Variants in ATP8B4 observed in about 807,000 individuals in gnomAD.
ATP8B4 encodes the protein probable phospholipid-transporting ATPase IM.
Under a neutral mutation model 145.6 loss-of-function variants are expected in ATP8B4, and 133 were observed. The ratio of observed to expected loss-of-function variants is 0.91; its 90% confidence interval spans 0.79 to 1.05. The LOEUF is 1.05. Ranked by LOEUF, ATP8B4 falls within the 50% of genes least tolerant of loss-of-function variation. The pLI is 0.00. For missense variants in ATP8B4, 1,458 were observed against 1,425.2 expected (o/e 1.02, Z -0.37); for synonymous variants, 507 against 492.9 (o/e 1.03, Z -0.38).
At chr15:49,981,560 T>C (rs1421673682) in intron 10 of ATP8B4, among the ~76,000 whole-genome samples, 1 of 152,168 alleles carries the variant, frequency 6.6e-6, no homozygotes, top group Non-Finnish European at 1.5e-5. Flanking sequence ...AAGCTATTTT[T>C]TCAATGTCTA....
chr15:50,015,519 G>C (rs1406844446), intron 6 of ATP8B4, among the ~76,000 whole-genome samples: 4 of 152,126 alleles, frequency 2.6e-5, no homozygotes, highest in African/African-American at 9.7e-5. Flanking sequence ...GAGTAATTAT[G>C]TATTACCTAT....
chr15:49,972,504 T>A (rs1462589927), intron 13 of ATP8B4, 78 bp downstream of exon 13: 8 of 1,443,906 alleles, frequency 5.5e-6, no homozygotes, highest in East Asian at 4.7e-5. Context: ...TTTGGATTTT[T>A]AAATTTTTTT....
intron 17 of ATP8B4, among the ~76,000 whole-genome samples, 169 bp downstream of exon 17, chr15:49,923,210 C>A (rs994726835): frequency 6.6e-6 from 1 of 152,188 alleles, no homozygotes; most frequent in Admixed American, 6.5e-5. Flanking sequence ...GGGGGTGGTC[C>A]TTGTGCCAAT....
intron 3 of ATP8B4, among the ~76,000 whole-genome samples, chr15:50,053,315 G>A (rs1372434623): frequency 6.6e-6 from 1 of 152,172 alleles, no homozygotes; most frequent in African/African-American, 2.4e-5. Flanking sequence ...CCAGGATTTG[G>A]ATCTAGCAAT....
At chr15:49,911,487 T>C (rs1377095676) in intron 20 of ATP8B4, among the ~76,000 whole-genome samples, 1 of 151,994 alleles carries the variant, frequency 6.6e-6, no homozygotes, top group Non-Finnish European at 1.5e-5. Context: ...AAGAGGATAT[T>C]ACAATTCTAA....
At chr15:49,889,121 A>G (rs2036524163) in intron 23 of ATP8B4, among the ~76,000 whole-genome samples, 1 of 152,156 alleles carries the variant, frequency 6.6e-6, no homozygotes, top group Admixed American at 6.5e-5. Flanking sequence ...TAAAAAAAAA[A>G]AGGATATGGC....
intron 3 of ATP8B4, among the ~76,000 whole-genome samples, chr15:50,061,797 T>C (rs1045509284): frequency 3.3e-5 from 5 of 152,176 alleles, no homozygotes; most frequent in African/African-American, 1.2e-4. Flanking sequence ...ATTTTTACAC[T>C]ACATAAATGA....
At chr15:50,034,036 G>A (rs1022514168) in intron 6 of ATP8B4, among the ~76,000 whole-genome samples, 2 of 151,920 alleles carry the variant, frequency 1.3e-5, no homozygotes, top group African/African-American at 4.8e-5. Flanking sequence ...GTGTGTGTGT[G>A]CATTTATGGT....
chr15:50,088,747 G>T (rs2055389905), intron 2 of ATP8B4, among the ~76,000 whole-genome samples: 1 of 152,212 alleles, frequency 6.6e-6, no homozygotes, highest in Middle Eastern at 3.4e-3. Flanking sequence ...AACCTGTTTT[G>T]TTCACAGCTG....
chr15:50,133,746 A>C (rs28841428), intron 1 of ATP8B4, among the ~76,000 whole-genome samples: 1 of 152,178 alleles, frequency 6.6e-6, no homozygotes, highest in Non-Finnish European at 1.5e-5. Context: ...TATGTTTTGG[A>C]GATCTAACAT....
chr15:50,025,733 T>G (rs556325183), intron 6 of ATP8B4, among the ~76,000 whole-genome samples: 1 of 152,358 alleles, frequency 6.6e-6, no homozygotes, highest in African/African-American at 2.4e-5. Context: ...TTTTATTATC[T>G]ACTTCCCTGA....
chr15:49,900,027 C>T (rs751687546), intron 21 of ATP8B4, among the ~76,000 whole-genome samples: 20 of 152,174 alleles, frequency 1.3e-4, no homozygotes, highest in Non-Finnish European at 2.8e-4. Flanking sequence ...TCATAAGATT[C>T]CCTTTCCATA....
intron 8 of ATP8B4, among the ~76,000 whole-genome samples, chr15:50,001,371 T>C (rs2153560404): frequency 6.6e-6 from 1 of 152,344 alleles, no homozygotes; most frequent in South Asian, 2.1e-4. Context: ...CAGACTAAAG[T>C]ACTATTTGAA....
chr15:50,108,677 A>T (rs2056800573), intron 1 of ATP8B4, among the ~76,000 whole-genome samples: 1 of 152,040 alleles, frequency 6.6e-6, no homozygotes, highest in African/African-American at 2.4e-5. Flanking sequence ...CTCATATTTC[A>T]TTTCCTTTAG....
At chr15:50,174,557 A>G (rs892647343) in intron 1 of ATP8B4, among the ~76,000 whole-genome samples, 1 of 151,858 alleles carries the variant, frequency 6.6e-6, no homozygotes, top group African/African-American at 2.4e-5. Flanking sequence ...ACTGCAAAAA[A>G]AAAAAAAAAA....
At chr15:50,016,202 C>T (rs2049077027) in intron 6 of ATP8B4, among the ~76,000 whole-genome samples, 1 of 152,176 alleles carries the variant, frequency 6.6e-6, no homozygotes, top group South Asian at 2.1e-4. Flanking sequence ...TCTCTTTCAT[C>T]ATTTTCCTAA....
chr15:50,012,916 C>T (rs2153572893), intron 6 of ATP8B4, among the ~76,000 whole-genome samples: 1 of 152,168 alleles, frequency 6.6e-6, no homozygotes, highest in Non-Finnish European at 1.5e-5. Flanking sequence ...TATATAACTG[C>T]ACTTAACTAG....
chr15:50,115,892 T>C (rs1276820608), intron 1 of ATP8B4, among the ~76,000 whole-genome samples: 2 of 152,136 alleles, frequency 1.3e-5, no homozygotes, highest in Non-Finnish European at 2.9e-5. Flanking sequence ...CTCCTGCAGG[T>C]TGCGGGGAGA....
At chr15:50,145,524 T>C (rs1182158926) in intron 1 of ATP8B4, among the ~76,000 whole-genome samples, 1 of 152,208 alleles carries the variant, frequency 6.6e-6, no homozygotes, top group African/African-American at 2.4e-5. Flanking sequence ...TCATTCCATG[T>C]AGGTGCGTCA....
Sources: gnomAD v4.1 joint callset for allele counts (sites outside exome capture counted in the v4.1 genomes callset) on GRCh38, gnomAD v4.1.1 for gene constraint, MANE v1.5 for transcripts, NCBI Gene and HGNC (gene_info 2026-07-23, HGNC 2026-07-21) for gene names.